The following SPATA16 variants were observed in gnomAD, a reference collection of about 807,000 sequenced individuals.
SPATA16 encodes the protein spermatogenesis associated 16.
SPATA16 carries 36 observed loss-of-function variants against 63.3 expected under a neutral mutation model. That is an observed-to-expected ratio of 0.57 (90% confidence interval 0.44 to 0.75). The LOEUF is 0.75. Among genes scored for constraint, SPATA16 ranks in the 30% least tolerant of loss-of-function variants. The pLI is 0.00. For synonymous variants in SPATA16, 203 were observed against 216.7 expected (o/e 0.94, Z 0.56); for missense variants, 646 against 679.3 (o/e 0.95, Z 0.54).
chr3:172,969,466 G>A (rs1158047604), intron 5 of SPATA16, among the ~76,000 whole-genome samples: 1 of 152,106 alleles, frequency 6.6e-6, no homozygotes, highest in Non-Finnish European at 1.5e-5. Context: ...ATATGCCTGG[G>A]GTTGTGCATC....
At chr3:172,991,733 T>C (rs866223102) in intron 4 of SPATA16, among the ~76,000 whole-genome samples, 3 of 152,102 alleles carry the variant, frequency 2.0e-5, no homozygotes, top group Middle Eastern at 6.8e-3. Context: ...AGAACACTGA[T>C]AACAGAAAGG....
At chr3:172,933,633 G>A (rs2109589920) in intron 6 of SPATA16, among the ~76,000 whole-genome samples, 1 of 152,322 alleles carries the variant, frequency 6.6e-6, no homozygotes, top group East Asian at 1.9e-4. Context: ...ACAGAGTGGT[G>A]AGAGATAGTA....
intron 10 of SPATA16, among the ~76,000 whole-genome samples, chr3:172,898,697 G>C (rs1409035182): frequency 6.7e-6 from 1 of 149,430 alleles, no homozygotes; most frequent in Non-Finnish European, 1.5e-5. Flanking sequence ...TTATTTTTCT[G>C]TTTTCATTTC....
intron 3 of SPATA16, among the ~76,000 whole-genome samples, chr3:173,038,108 GA>G (rs1399817934): frequency 1.3e-5 from 2 of 152,050 alleles, no homozygotes; most frequent in East Asian, 3.9e-4. Flanking sequence ...TTTCTATCTG[GA>G]AAGGAAGTAG....
chr3:173,033,442 C>T (rs1194675006), intron 3 of SPATA16, among the ~76,000 whole-genome samples: 1 of 152,144 alleles, frequency 6.6e-6, no homozygotes, highest in Non-Finnish European at 1.5e-5. Flanking sequence ...TCGTTCTTGA[C>T]ATTTTCTCTT....
chr3:172,949,690 A>G (rs1440640019), intron 6 of SPATA16, among the ~76,000 whole-genome samples: 2 of 152,124 alleles, frequency 1.3e-5, no homozygotes, highest in Admixed American at 1.3e-4. Context: ...GTCGCCTGCT[A>G]AAATGAGTTC....
intron 2 of SPATA16, among the ~76,000 whole-genome samples, chr3:173,095,137 G>C (rs1395499468): frequency 1.3e-5 from 2 of 152,088 alleles, no homozygotes; most frequent in African/African-American, 2.4e-5. Flanking sequence ...TGGCTTCTTA[G>C]AGCCTTAGTT....
chr3:173,010,435 C>CGTGTGTGTGTGTGTGTGTGTGTGT (rs66547523), intron 4 of SPATA16, among the ~76,000 whole-genome samples: 1 of 141,310 alleles, frequency 7.1e-6, no homozygotes, highest in Non-Finnish European at 1.5e-5. Flanking sequence ...CACGTTGTGG[C>CGTGTGTGTGTGTGTGTGTGTGTGT]GTGTGTGTGT....
At chr3:172,953,259 C>G (rs1248519071) in intron 6 of SPATA16, among the ~76,000 whole-genome samples, 1 of 152,100 alleles carries the variant, frequency 6.6e-6, no homozygotes, top group Non-Finnish European at 1.5e-5. Context: ...AATAGATGAA[C>G]AACCCCCCTC....
chr3:172,960,904 T>TCCTCCCTC (rs200942714), intron 5 of SPATA16, among the ~76,000 whole-genome samples: 5 of 148,262 alleles, frequency 3.4e-5, no homozygotes, highest in African/African-American at 1.0e-4. Flanking sequence ...CTTCCTTCCT[T>TCCTCCCTC]CCTCCCTCCC....
At chr3:172,920,609 C>A (rs546493050) in intron 8 of SPATA16, among the ~76,000 whole-genome samples, 1 of 152,152 alleles carries the variant, frequency 6.6e-6, no homozygotes, top group Admixed American at 6.5e-5. Context: ...AAAATTAGGG[C>A]AGCCAAAAAA....
At chr3:173,009,751 G>C (rs1259485905) in intron 4 of SPATA16, among the ~76,000 whole-genome samples, 1 of 152,210 alleles carries the variant, frequency 6.6e-6, no homozygotes, top group East Asian at 1.9e-4. Flanking sequence ...CCAGGTTCTT[G>C]GTGTTTTGAA....
At chr3:172,930,046 A>G (rs185620581) in intron 6 of SPATA16, among the ~76,000 whole-genome samples, 81 of 152,324 alleles carry the variant, frequency 5.3e-4, no homozygotes, top group Non-Finnish European at 9.3e-4. Flanking sequence ...AATGCATCCC[A>G]TATCAGCCTG....
At chr3:173,088,022 CTTT>C (rs1560118811) in intron 2 of SPATA16, among the ~76,000 whole-genome samples, 2 of 108,958 alleles carry the variant, frequency 1.8e-5, no homozygotes, top group Non-Finnish European at 3.9e-5. Flanking sequence ...TTCTTTCTTT[CTTT>C]CTTTCTTTCT....
chr3:172,931,798 C>T (rs927666409), intron 6 of SPATA16, among the ~76,000 whole-genome samples: 2 of 152,176 alleles, frequency 1.3e-5, no homozygotes, highest in Non-Finnish European at 1.5e-5. Context: ...GGGTTCTGTT[C>T]ACCTTATGAA....
At chr3:172,925,604 G>C in intron 6 of SPATA16, 112 bp from the exon 7 acceptor site, 2 of 1,309,786 alleles carry the variant, frequency 1.5e-6, no homozygotes. Flanking sequence ...AACTATAAAT[G>C]TGAAAGGTAT....
chr3:173,064,010 A>C (rs947314709), intron 2 of SPATA16, among the ~76,000 whole-genome samples: 1 of 152,196 alleles, frequency 6.6e-6, no homozygotes, highest in Non-Finnish European at 1.5e-5. Flanking sequence ...GGTGACATAC[A>C]GAAGATGGAA....
intron 3 of SPATA16, among the ~76,000 whole-genome samples, chr3:173,047,690 A>G (rs1735988795): frequency 6.6e-6 from 1 of 152,098 alleles, no homozygotes; most frequent in Non-Finnish European, 1.5e-5. Context: ...CTTTTCCAGT[A>G]TTTCTTCTTT....
intron 3 of SPATA16, among the ~76,000 whole-genome samples, chr3:173,028,384 T>C (rs1228474823): frequency 6.6e-6 from 1 of 151,848 alleles, no homozygotes; most frequent in Non-Finnish European, 1.5e-5. Context: ...ATTAATGCTA[T>C]GTAAGTATGA....
Sources: allele counts gnomAD v4.1 joint callset (sites outside exome capture counted in the v4.1 genomes callset), GRCh38; gene constraint gnomAD v4.1.1; transcripts MANE v1.5; gene names NCBI Gene and HGNC (gene_info 2026-07-23, HGNC 2026-07-21).